Variants in GRIK4 observed in about 807,000 individuals in gnomAD.
The protein encoded by GRIK4 is glutamate ionotropic receptor kainate type subunit 4, also known as glutamate receptor ionotropic, kainate 4.
Under a neutral mutation model 104.9 loss-of-function variants are expected in GRIK4, and 40 were observed. The ratio of observed to expected loss-of-function variants is 0.38; its 90% CI spans 0.30 to 0.50. GRIK4 has a LOEUF of 0.50. GRIK4 is among the 20% of genes least tolerant of loss of function. The pLI, the probability that GRIK4 is intolerant of heterozygous loss-of-function variation, is 0.93. For missense variants in GRIK4, 1,047 were observed against 1,308.1 expected (o/e 0.80, Z 3.08); for synonymous variants, 485 against 524.9 (o/e 0.92, Z 1.04).
intron 1 of GRIK4, among the ~76,000 whole-genome samples, chr11:120,520,565 T>G (rs947242799): frequency 6.6e-6 from 1 of 152,226 alleles, no homozygotes; most frequent in Non-Finnish European, 1.5e-5. Context: ...CACTGATTAG[T>G]GCTCAGGTGA....
intron 7 of GRIK4, among the ~76,000 whole-genome samples, 157 bp downstream of exon 7, chr11:120,832,187 G>A (rs1027519194): frequency 2.6e-5 from 4 of 152,096 alleles, no homozygotes; most frequent in Admixed American, 1.3e-4. Flanking sequence ...AGCGGTTCCC[G>A]AAAAATGAAA....
intron 8 of GRIK4, among the ~76,000 whole-genome samples, chr11:120,850,841 A>G (rs1207008268): frequency 1.6e-5 from 2 of 122,096 alleles, no homozygotes; most frequent in Admixed American, 8.3e-5. Context: ...TTATTACATT[A>G]TAAGTGCTAT....
intron 1 of GRIK4, among the ~76,000 whole-genome samples, chr11:120,633,708 G>T (rs938398118): frequency 3.9e-5 from 6 of 152,208 alleles, no homozygotes; most frequent in Non-Finnish European, 8.8e-5. Flanking sequence ...AGCATTAGAA[G>T]GCCCCTGAGC....
intron 3 of GRIK4, among the ~76,000 whole-genome samples, chr11:120,697,804 G>A (rs938957621): frequency 1.3e-4 from 20 of 152,192 alleles, no homozygotes; most frequent in Admixed American, 6.5e-5. Context: ...AGTTGGGGCT[G>A]TCAAGGCAGG....
chr11:120,923,718 C>T (rs542620501), intron 13 of GRIK4, among the ~76,000 whole-genome samples: 46 of 152,226 alleles, frequency 3.0e-4, no homozygotes, highest in African/African-American at 4.6e-4. Flanking sequence ...CGGCCCCATT[C>T]GCTCATTTAA....
At chr11:120,849,528 C>T (rs1188635370) in intron 8 of GRIK4, among the ~76,000 whole-genome samples, 2 of 152,234 alleles carry the variant, frequency 1.3e-5, no homozygotes, top group South Asian at 2.1e-4. Flanking sequence ...CTGGTATTCT[C>T]ACAATAGGCG....
intron 14 of GRIK4, among the ~76,000 whole-genome samples, chr11:120,944,231 C>T (rs554960151): frequency 4.0e-4 from 52 of 130,216 alleles, no homozygotes; most frequent in African/African-American, 1.5e-3. Flanking sequence ...TTTTGTCTTT[C>T]TCTTTCTTTC....
intron 3 of GRIK4, among the ~76,000 whole-genome samples, chr11:120,753,479 C>T (rs572744675): frequency 9.2e-5 from 14 of 152,224 alleles, no homozygotes; most frequent in African/African-American, 3.4e-4. Flanking sequence ...CCTTCAGTTT[C>T]CTTTTCTGTA....
chr11:120,536,911 G>A (rs937591459), intron 1 of GRIK4, among the ~76,000 whole-genome samples: 3 of 152,224 alleles, frequency 2.0e-5, no homozygotes, highest in African/African-American at 7.2e-5. Context: ...GCTCTGCCCG[G>A]CCCAGACGCC....
intron 1 of GRIK4, among the ~76,000 whole-genome samples, chr11:120,636,839 C>CA (rs151087499): frequency 0.32 from 47,111 of 148,114 alleles, 8,801 homozygotes; most frequent in African/African-American, 0.53. Context: ...GACTCCGTCT[C>CA]AAAAAAAAAA....
At chr11:120,917,809 T>C (rs1943144079) in intron 13 of GRIK4, among the ~76,000 whole-genome samples, 1 of 152,220 alleles carries the variant, frequency 6.6e-6, no homozygotes, top group Non-Finnish European at 1.5e-5. Flanking sequence ...CAAAGCAGCC[T>C]GGGAAACTTA....
intron 1 of GRIK4, among the ~76,000 whole-genome samples, chr11:120,643,057 T>G (rs760680421): frequency 2.6e-5 from 4 of 152,104 alleles, no homozygotes; most frequent in Non-Finnish European, 5.9e-5. Context: ...GAGCACCCAC[T>G]ATGTATGGCA....
Position 120,544,330 on chromosome 11 carries a change from T to G in GRIK4, c.-159+32443T>G, listed in dbSNP as rs532265922. Among the ~76,000 whole-genome samples the G allele has an allele frequency of 1.6e-4, 24 of 152,224 alleles. 1 individual carries two copies. Among genetic ancestry groups the G allele is most frequent in the Middle Eastern group, 6.8e-3 (2 of 294 alleles). ...TTAACAAAGTGGTTAAATAATACTA[T>G]TTTTATACTTTTTTTTTTGAGATGG... is the stretch of plus-strand genomic sequence containing the variant. On this transcript the variant is annotated intron_variant, in intron 1 of 20. Coordinates refer to ENST00000527524, the MANE Select transcript of GRIK4 (RefSeq NM_014619.5).
chr11:120,601,545 G>A (rs887132432), intron 1 of GRIK4, among the ~76,000 whole-genome samples: 3 of 151,812 alleles, frequency 2.0e-5, no homozygotes, highest in Non-Finnish European at 2.9e-5. Flanking sequence ...GGCGGGGTGT[G>A]GGGGGGCGCA....
chr11:120,971,831 C>T (rs1473460460), intron 19 of GRIK4, among the ~76,000 whole-genome samples: 1 of 152,168 alleles, frequency 6.6e-6, no homozygotes, highest in Non-Finnish European at 1.5e-5. Flanking sequence ...ACAGGTGTTA[C>T]ACTGAGAACT....
At chr11:120,806,194 C>G (rs1446102259) in intron 4 of GRIK4, among the ~76,000 whole-genome samples, 1 of 152,146 alleles carries the variant, frequency 6.6e-6, no homozygotes, top group Non-Finnish European at 1.5e-5. Context: ...GGCTTCCTCC[C>G]AACTTATTAC....
At chr11:120,747,230 G>A (rs1951457633) in intron 3 of GRIK4, among the ~76,000 whole-genome samples, 1 of 152,186 alleles carries the variant, frequency 6.6e-6, no homozygotes, top group Non-Finnish European at 1.5e-5. Context: ...CAAACAATTA[G>A]TGAGTGAGCA....
intron 3 of GRIK4, among the ~76,000 whole-genome samples, chr11:120,755,101 G>A (rs1951630017): frequency 6.6e-6 from 1 of 152,188 alleles, no homozygotes; most frequent in African/African-American, 2.4e-5. Context: ...GGTCAGGGCA[G>A]AGGTTCAAAG....
chr11:120,572,146 CAG>C (rs1948408727), intron 1 of GRIK4, among the ~76,000 whole-genome samples: 1 of 152,204 alleles, frequency 6.6e-6, no homozygotes, highest in Non-Finnish European at 1.5e-5. Context: ...TGGCGGAGAG[CAG>C]AGAGAGCAAG....
Sources: allele counts gnomAD v4.1 joint callset (sites outside exome capture counted in the v4.1 genomes callset), GRCh38; gene constraint gnomAD v4.1.1; transcripts MANE v1.5; gene names NCBI Gene and HGNC (gene_info 2026-07-23, HGNC 2026-07-21).